RGN: variants seen among roughly 807,000 people sequenced by gnomAD.
RGN encodes epididymis secretory protein Li 41.
Under a neutral mutation model 20.6 loss-of-function variants are expected in RGN, and 19 were observed. That is an observed-to-expected ratio of 0.92 (90% CI 0.64 to 1.35). The LOEUF (loss-of-function observed/expected upper bound fraction) is 1.35. Among genes scored for constraint, RGN ranks in the 40% most tolerant of loss-of-function variants. The probability of loss-of-function intolerance (pLI) is 0.00; values close to 1 mark genes in which losing one functional copy is unlikely to be tolerated. For missense variants in RGN, 302 were observed against 232.7 expected, an observed-to-expected ratio of 1.30 and a Z score of -1.94; for synonymous variants, 85 against 87.2, an observed-to-expected ratio of 0.97 and a Z score of 0.14.
intron 3 of RGN, among the ~76,000 whole-genome samples, chrX:47,082,303 C>T (rs868940913): frequency 1.7e-5 from 1 of 59,246 alleles, no homozygotes; most frequent in African/African-American, 6.6e-5. Flanking sequence ...GGGACCTCAA[C>T]TTTTTTTTTT....
At chrX:47,090,914 AG>A (rs1314705814) in intron 5 of RGN, among the ~76,000 whole-genome samples, 380 of 29,998 alleles carry the variant, frequency 0.013, 7 homozygotes, top group African/African-American at 0.041. Context: ...AGAAAGAAGA[AG>A]GAAAGAAAGA....
chrX:47,086,780 A>AGAGG (rs1556384538), intron 4 of RGN, among the ~76,000 whole-genome samples: 117 of 100,155 alleles, frequency 1.2e-3, no homozygotes, highest in African/African-American at 4.7e-3. Flanking sequence ...AGAGAGAGAG[A>AGAGG]GAGAAAGAGA....
At position 47,089,554 on chromosome X, in the gene RGN, CTT is replaced by C. The variant is rs782783833; in HGVS notation, c.347-221_347-220del. Reference sequence around the variant, plus strand: ...CTCATATATATACATATTATATACACTTATATATACATATTATATATACTTTA... The same window carrying C: ...CTCATATATATACATATTATATACACATATATACATATTATATATACTTTA... On this transcript the variant is annotated intron_variant, in intron 4 of 7. Coordinates refer to ENST00000397180, the MANE Select transcript of RGN (RefSeq NM_152869.4). Among the ~76,000 whole-genome samples, 86 of 76,988 alleles carry C rather than the reference CTT, an allele frequency of 1.1e-3. 2 individuals are homozygous for C. Among genetic ancestry groups the C allele is most frequent in the South Asian group, 6.5e-3 (10 of 1,542 alleles). 66.9% of individuals were successfully genotyped at this position (76,988 alleles called of 115,157 possible). A position where few individuals can be genotyped will look rare whatever the true frequency, so the allele number is the denominator to read the frequency against.
intron 3 of RGN, 119 bp from the exon 4 acceptor site, chrX:47,084,299 C>A: frequency 3.8e-6 from 2 of 530,778 alleles, no homozygotes; most frequent in Non-Finnish European, 5.9e-6. Context: ...AGGAAGAGAG[C>A]GCTCCCATTG....
chrX:47,081,422 C>G, intron 3 of RGN, 115 bp downstream of exon 3: 1 of 620,558 alleles, frequency 1.6e-6, no homozygotes, highest in East Asian at 3.4e-5. Flanking sequence ...GCTGTCTGTC[C>G]CCACTCCATA....
chrX:47,088,931 CAAAAA>C (rs1192707605), intron 4 of RGN, among the ~76,000 whole-genome samples: 1 of 47,112 alleles, frequency 2.1e-5, no homozygotes. Context: ...AACACTCTGC[CAAAAA>C]AAAAAAAAAA....
At chrX:47,085,893 A>T (rs904878868) in intron 4 of RGN, among the ~76,000 whole-genome samples, 5 of 111,953 alleles carry the variant, frequency 4.5e-5, no homozygotes, top group Non-Finnish European at 7.5e-5. Flanking sequence ...ACATGACCAC[A>T]GTTACAGTGA....
chrX:47,090,884 AAAG>A (rs1402729161), intron 5 of RGN, among the ~76,000 whole-genome samples: 1 of 55,573 alleles, frequency 1.8e-5, no homozygotes, highest in East Asian at 6.9e-4. Flanking sequence ...GAAAGAAAGA[AAAG>A]AAGAAGAAAG....
chrX:47,082,414 G>A (rs2147009463), intron 3 of RGN, among the ~76,000 whole-genome samples: 1 of 102,552 alleles, frequency 9.8e-6, no homozygotes, highest in African/African-American at 3.6e-5. Flanking sequence ...AGGCTCAAGC[G>A]ATCCTCCCAC....
At chrX:47,092,366 TTC>T (rs782307496) in intron 7 of RGN, 151 bp downstream of exon 7, 1 of 503,007 alleles carries the variant, frequency 2.0e-6, no homozygotes, top group Non-Finnish European at 3.1e-6. Context: ...AACATTTTAT[TTC>T]AATTTTCTAG....
Position 47,078,633 on chromosome X carries a change from T to G in RGN, c.-712T>G, listed in dbSNP as rs1930139294. On this transcript the variant is annotated 5_prime_UTR_variant, in exon 1 of 8. Transcript: ENST00000397180. ...AACCTTCAGATTCCCAGGGCCTCTC[T>G]GTCGCTGTCGCCGTCGCCGTCGCCC... 1 of 112,265 alleles carries G rather than the reference T, an allele frequency of 8.9e-6. No individual in the cohort carries two copies. The highest frequency in any genetic ancestry group is 9.4e-5 in the Admixed American group (1 of 10,592). The allele number at this position is 112,265 out of a possible 1,213,427, so 9.3% of individuals were successfully genotyped here. A position where few individuals can be genotyped will look rare whatever the true frequency, so the allele number is the denominator to read the frequency against.
chrX:47,090,128 T>TTAGA, intron 5 of RGN, 137 bp downstream of exon 5: 1 of 405,248 alleles, frequency 2.5e-6, no homozygotes, highest in Non-Finnish European at 4.2e-6. Context: ...ACTATTCTAA[T>TTAGA]ATAGTAACGA....
At chrX:47,084,824 A>G (rs1176319736) in intron 4 of RGN, 2 of 347,203 alleles carry the variant, frequency 5.8e-6, no homozygotes, top group Non-Finnish European at 9.9e-6. Flanking sequence ...GCCTGGTGGC[A>G]TGCATCTGTG....
chrX:47,083,168 G>A (rs1424578850), intron 3 of RGN, among the ~76,000 whole-genome samples: 1 of 111,472 alleles, frequency 9.0e-6, no homozygotes, highest in Admixed American at 9.6e-5. Context: ...GGGAGGCTGA[G>A]GTGGGTGGAT....
chrX:47,082,558 C>T (rs1320817797), intron 3 of RGN, among the ~76,000 whole-genome samples: 2 of 111,064 alleles, frequency 1.8e-5, no homozygotes, highest in Non-Finnish European at 3.8e-5. Flanking sequence ...AGCAATCCTC[C>T]TGCCTTGGCC....
At chrX:47,089,585 A>ACATAT (rs1556386207) in intron 4 of RGN, among the ~76,000 whole-genome samples, 191 bp from the exon 5 acceptor site, 2 of 49,387 alleles carry the variant, frequency 4.0e-5, no homozygotes, top group African/African-American at 1.3e-4. Context: ...TACTTTATAT[A>ACATAT]TATATATATA....
chrX:47,089,092 CT>C (rs781983644), intron 4 of RGN, among the ~76,000 whole-genome samples: 27 of 50,847 alleles, frequency 5.3e-4, no homozygotes, highest in African/African-American at 1.9e-3. Context: ...ACTCGGGAGG[CT>C]GAGGTAGGAG....
Position 47,089,895 on chromosome X carries a change from T to C in RGN, c.466T>C (p.Leu156=). The C allele has an allele frequency of 8.3e-7, 1 of 1,209,302 alleles. No individual in the cohort carries two copies. The highest frequency in any genetic ancestry group is 1.1e-6 in the Non-Finnish European group (1 of 894,169). Residue 156 remains leucine (L), a synonymous_variant, in exon 5 of 8, where the codon TTG becomes CTG. Transcript: ENST00000397180. ...TGACCAGGTGGACATTTCCAATGGTTTGGATTGGTCGCTAGACCACAAAAT... is the reference window on the plus strand; with the variant it reads ...TGACCAGGTGGACATTTCCAATGGTCTGGATTGGTCGCTAGACCACAAAAT... ...YFDQVDISNG[L]DWSLDHKIFY...
At chrX:47,084,757 C>A in intron 4 of RGN, 157 bp downstream of exon 4, 1 of 419,319 alleles carries the variant, frequency 2.4e-6, no homozygotes, top group Non-Finnish European at 4.0e-6. Context: ...AGTTCGATAA[C>A]TGCCTGGGCA....
Sources: gnomAD v4.1 joint callset for allele counts (sites outside exome capture counted in the v4.1 genomes callset) on GRCh38, gnomAD v4.1.1 for gene constraint, MANE v1.5 for transcripts, NCBI Gene and HGNC (gene_info 2026-07-23, HGNC 2026-07-21) for gene names.